The following TBC1D1 variants were observed in gnomAD, a reference collection of about 807,000 sequenced individuals.
TBC1D1 encodes TBC1 (tre-2/USP6, BUB2, cdc16) domain family, member 1.
TBC1D1 carries 89 observed loss-of-function variants against 125.6 expected under a neutral mutation model. The observed-to-expected ratio is 0.71, with a 90% CI of 0.60 to 0.85. The LOEUF (loss-of-function observed/expected upper bound fraction) is 0.85. Among genes scored for constraint, TBC1D1 ranks in the 40% least tolerant of loss-of-function variants. The pLI is 0.00. For missense variants in TBC1D1, 1,377 were observed against 1,469.2 expected (o/e 0.94, Z 1.03); for synonymous variants, 565 against 564.1 (o/e 1.00, Z -0.02).
chr4:38,010,413 T>C (rs1372320228), intron 2 of TBC1D1, among the ~76,000 whole-genome samples: 1 of 152,188 alleles, frequency 6.6e-6, no homozygotes, highest in Non-Finnish European at 1.5e-5. Context: ...GAGCCTGTCT[T>C]GGCACTCCCT....
At chr4:38,082,862 T>G (rs13148800) in intron 12 of TBC1D1, among the ~76,000 whole-genome samples, 26,713 of 152,070 alleles carry the variant, frequency 0.18, 2,614 homozygotes, top group East Asian at 0.45. Context: ...CAGGACTTTT[T>G]TCTTCCTCAT....
At position 38,020,628 on chromosome 4, in the gene TBC1D1, G is replaced by A. The variant is rs766074895; in HGVS notation, c.1010G>A (p.Arg337Gln). ...GTGGACCACTTTGGGTTTATCTGTC[G>A]GGAGTCTTCCGGAGGTGGCGGCTTT... Residue 337 changes from arginine to glutamine, a missense_variant, in exon 5 of 20, where the codon CGG (arginine) becomes CAG (glutamine). Physicochemically the swap from Arg to Gln is conservative, Grantham distance 43 (BLOSUM62 1). Coordinates refer to ENST00000261439, the MANE Select transcript of TBC1D1 (RefSeq NM_015173.4). The A allele has an allele frequency of 1.4e-5, 23 of 1,612,986 alleles. No individual in the cohort carries two copies. Among genetic ancestry groups the A allele is most frequent in the African/African-American group, 2.7e-5 (2 of 74,888 alleles).
intron 2 of TBC1D1, among the ~76,000 whole-genome samples, chr4:37,985,204 C>T (rs62298548): frequency 0.097 from 14,817 of 152,230 alleles, 840 homozygotes; most frequent in Middle Eastern, 0.2. Context: ...CCGCCTGCCT[C>T]AGCCTCCCAA....
chr4:38,001,701 C>T (rs955935839), intron 2 of TBC1D1, among the ~76,000 whole-genome samples: 3 of 152,188 alleles, frequency 2.0e-5, no homozygotes, highest in African/African-American at 7.2e-5. Flanking sequence ...TCAGGAAATG[C>T]CAAGGGTTTT....
At chr4:37,897,340 G>A (rs2995925) in intron 1 of TBC1D1, among the ~76,000 whole-genome samples, 27,753 of 152,116 alleles carry the variant, frequency 0.18, 2,675 homozygotes, top group South Asian at 0.21. Flanking sequence ...AAGTAATGTA[G>A]ATATTCACCT....
rs190457539 is a variant in TBC1D1, at chr4:37,924,216, T to C, written c.417+21704T>C. ...CCCACACCACCCCTGCCATGCTCCC[T>C]CCCCAAACAATCTCATGGGATATTT... is the stretch of plus-strand genomic sequence containing the variant. On this transcript the variant is annotated intron_variant, in intron 2 of 19. Coordinates refer to ENST00000261439, the MANE Select transcript of TBC1D1 (RefSeq NM_015173.4). Among the ~76,000 whole-genome samples the C allele has an allele frequency of 3.9e-4, 59 of 152,110 alleles. No homozygotes were observed. The East Asian group carries it at 0.01, about 27-fold the overall frequency.
At chr4:37,992,458 G>A (rs1188045983) in intron 2 of TBC1D1, among the ~76,000 whole-genome samples, 1 of 151,500 alleles carries the variant, frequency 6.6e-6, no homozygotes, top group East Asian at 1.9e-4. Flanking sequence ...TGAGCTTGAT[G>A]TGGATATTTT....
intron 9 of TBC1D1, 57 bp downstream of exon 9, chr4:38,044,547 A>T: frequency 6.6e-7 from 1 of 1,524,674 alleles, no homozygotes; most frequent in East Asian, 2.3e-5. Context: ...AGAGTGTAAG[A>T]TTGAGTTCTA....
intron 12 of TBC1D1, among the ~76,000 whole-genome samples, chr4:38,063,633 A>ATT (rs367705962): frequency 6.7e-6 from 1 of 149,216 alleles, no homozygotes; most frequent in African/African-American, 2.5e-5. Flanking sequence ...AATTTTTTTT[A>ATT]TTTTTTATTT....
chr4:38,102,003 A>G (rs1463877553), intron 14 of TBC1D1, among the ~76,000 whole-genome samples: 1 of 150,632 alleles, frequency 6.6e-6, no homozygotes, highest in Non-Finnish European at 1.5e-5. Context: ...ACAGAAAACC[A>G]AACATCGCAT....
chr4:38,078,679 G>C lies in TBC1D1; in HGVS notation c.2051-11253G>C, dbSNP rs994555802. 3.9e-5 allele frequency among the ~76,000 whole-genome samples: 6 copies of C among 152,152 alleles called. No individual in the cohort carries two copies. In the South Asian group the frequency reaches 1.2e-3, roughly 32 times the overall value. ...TCTCTGCAAGTCAGGAAGAGAGAGG[G>C]CTCTCACTAGAATACACTTGTACTG... On this transcript the variant is annotated intron_variant, in intron 12 of 19. Transcript: ENST00000261439.
rs1173777603 is a variant in TBC1D1 at position 38,054,262 on chromosome 4, G to T, written c.1974G>T (p.Arg658Ser). ...GTGGGACTCCTGTGAAGACCCGGAG[G>T]CATTCCTGGAGGCAGCAGATATTCC... Residue 658 changes from arginine to serine, a missense_variant, in exon 12 of 20, where the codon AGG becomes AGT. By Grantham distance (110) the Arg-to-Ser change is moderately radical (BLOSUM62 -1). Transcript: ENST00000261439. The T allele has an allele frequency of 6.2e-7, 1 of 1,614,058 alleles. No individual in the cohort carries two copies. Among genetic ancestry groups the T allele is most frequent in the African/African-American group, 1.3e-5 (1 of 74,912 alleles).
At chr4:37,926,474 A>G (rs1235421223) in intron 2 of TBC1D1, among the ~76,000 whole-genome samples, 1 of 152,188 alleles carries the variant, frequency 6.6e-6, no homozygotes, top group East Asian at 1.9e-4. Context: ...ATCTTTGTCC[A>G]GGTACCCTCG....
chr4:37,944,201 G>A (rs751842431), intron 2 of TBC1D1, among the ~76,000 whole-genome samples: 17 of 152,240 alleles, frequency 1.1e-4, no homozygotes, highest in African/African-American at 2.4e-4. Flanking sequence ...TGGAAGCTTC[G>A]TCTCAGAGGG....
At chr4:38,134,266 A>G (rs920455526) in intron 19 of TBC1D1, among the ~76,000 whole-genome samples, 1 of 152,220 alleles carries the variant, frequency 6.6e-6, no homozygotes, top group Non-Finnish European at 1.5e-5. Flanking sequence ...TAGTGAGTCA[A>G]GCTATCTGAA....
At chr4:38,028,832 T>A (rs1188319677) in intron 7 of TBC1D1, among the ~76,000 whole-genome samples, 1 of 152,212 alleles carries the variant, frequency 6.6e-6, no homozygotes, top group Non-Finnish European at 1.5e-5. Context: ...AGACAATGTT[T>A]GGTACATGAA....
chr4:38,068,955 G>A (rs893757737), intron 12 of TBC1D1, among the ~76,000 whole-genome samples: 6 of 152,206 alleles, frequency 3.9e-5, no homozygotes, highest in South Asian at 2.1e-4. Context: ...ACTGTCTCCT[G>A]ACTAAAGAAG....
intron 7 of TBC1D1, among the ~76,000 whole-genome samples, chr4:38,028,230 A>T (rs1169763481): frequency 6.6e-6 from 1 of 152,052 alleles, no homozygotes; most frequent in Non-Finnish European, 1.5e-5. Context: ...CAGTGGCATG[A>T]TCTGGGCTCC....
chr4:38,079,660 G>A (rs969521930), intron 12 of TBC1D1, among the ~76,000 whole-genome samples: 1 of 152,090 alleles, frequency 6.6e-6, no homozygotes, highest in Non-Finnish European at 1.5e-5. Flanking sequence ...CCTGGAAGGC[G>A]GAGGTTGCAA....
Sources: gnomAD v4.1 joint callset for allele counts (sites outside exome capture counted in the v4.1 genomes callset) on GRCh38, gnomAD v4.1.1 for gene constraint, MANE v1.5 for transcripts, NCBI Gene and HGNC (gene_info 2026-07-23, HGNC 2026-07-21) for gene names.